Variants in ST3GAL3 observed in about 807,000 individuals in gnomAD.
ST3GAL3 encodes CMP-N-acetylneuraminate-beta-1,4-galactoside alpha-2,3-sialyltransferase.
ST3GAL3 carries 21 observed loss-of-function variants against 50.1 expected under a neutral mutation model. That is an observed-to-expected ratio of 0.42 (90% CI 0.30 to 0.60). The LOEUF is 0.60. Ranked by LOEUF, ST3GAL3 falls within the 20% of genes least tolerant of loss-of-function variation. ST3GAL3 has a pLI of 0.19. For missense variants in ST3GAL3, 353 were observed against 489.4 expected, an observed-to-expected ratio of 0.72 and a Z score of 2.63; for synonymous variants, 183 against 190.0, an observed-to-expected ratio of 0.96 and a Z score of 0.30.
At chr1:43,751,964 C>T (rs1003587340) in intron 2 of ST3GAL3, among the ~76,000 whole-genome samples, 1 of 151,890 alleles carries the variant, frequency 6.6e-6, no homozygotes, top group African/African-American at 2.4e-5. Flanking sequence ...GATTACAGGC[C>T]CTGCTACCAC....
intron 4 of ST3GAL3, among the ~76,000 whole-genome samples, chr1:43,821,781 T>C (rs2062129006): frequency 1.3e-5 from 2 of 152,062 alleles, no homozygotes; most frequent in Non-Finnish European, 2.9e-5. Context: ...CTGAAAGGGG[T>C]CTACTGTGGT....
chr1:43,712,700 A>C (rs1665386453), intron 1 of ST3GAL3, among the ~76,000 whole-genome samples: 1 of 152,168 alleles, frequency 6.6e-6, no homozygotes, highest in Non-Finnish European at 1.5e-5. Flanking sequence ...CATCTTGAAA[A>C]ATCAGTAGTT....
intron 9 of ST3GAL3, chr1:43,919,687 G>A (rs1037528202): frequency 1.3e-5 from 2 of 154,712 alleles, no homozygotes; most frequent in African/African-American, 4.8e-5. Context: ...CCTCTGTGTT[G>A]TGGAGAGGGA....
rs572727054 is a variant in ST3GAL3, at chr1:43,732,505, C to T, written c.-30-3728C>T. Reference sequence around the variant, plus strand: ...TGAGGTTGAAGGGTAGAAATAGCTTCCTGCCGTTTCTAGTCCCTGGCTGCT... The same window carrying T: ...TGAGGTTGAAGGGTAGAAATAGCTTTCTGCCGTTTCTAGTCCCTGGCTGCT... On this transcript the variant is annotated intron_variant, in intron 1 of 11. Transcript: ENST00000347631. Among the ~76,000 whole-genome samples the T allele has an allele frequency of 2.0e-5, 3 of 152,330 alleles. No individual in the cohort carries two copies. In the South Asian group the frequency reaches 6.2e-4, roughly 32 times the overall value.
At chr1:43,917,788 C>T (rs1332432172) in intron 9 of ST3GAL3, among the ~76,000 whole-genome samples, 1 of 145,240 alleles carries the variant, frequency 6.9e-6, no homozygotes, top group Non-Finnish European at 1.5e-5. Flanking sequence ...CCACCTCAGC[C>T]TCCCCAAGTA....
chr1:43,824,149 G>C (rs1391969370), intron 4 of ST3GAL3, among the ~76,000 whole-genome samples: 2 of 152,194 alleles, frequency 1.3e-5, no homozygotes, highest in African/African-American at 4.8e-5. Flanking sequence ...GTATGAGTAA[G>C]AAAGAATAGA....
chr1:43,796,025 A>C (rs1251041041), intron 3 of ST3GAL3, among the ~76,000 whole-genome samples: 1 of 152,166 alleles, frequency 6.6e-6, no homozygotes. Flanking sequence ...ACAGAGGGGA[A>C]TATCCCAAGA....
At chr1:43,813,887 A>ACGCG (rs1558416925) in intron 3 of ST3GAL3, among the ~76,000 whole-genome samples, 1 of 39,772 alleles carries the variant, frequency 2.5e-5, no homozygotes, top group African/African-American at 5.3e-5. Context: ...ACACACACAC[A>ACGCG]CACACACGCA....
intron 9 of ST3GAL3, among the ~76,000 whole-genome samples, chr1:43,908,823 G>A (rs190823872): frequency 6.6e-6 from 1 of 152,120 alleles, no homozygotes; most frequent in East Asian, 1.9e-4. Flanking sequence ...GTAGAGATGG[G>A]GTTTCGCCAT....
chr1:43,887,857 T>C (rs2154261975), intron 5 of ST3GAL3, among the ~76,000 whole-genome samples: 1 of 149,306 alleles, frequency 6.7e-6, no homozygotes, highest in African/African-American at 2.6e-5. Context: ...TTCTGGGAGT[T>C]CTAGGGTAAC....
At chr1:43,853,491 A>G (rs2067737853) in intron 5 of ST3GAL3, among the ~76,000 whole-genome samples, 2 of 152,224 alleles carry the variant, frequency 1.3e-5, no homozygotes, top group African/African-American at 2.4e-5. Flanking sequence ...TGATAAAACT[A>G]GGTTTTGAAC....
chr1:43,771,345 G>A (rs1345247966), intron 2 of ST3GAL3, among the ~76,000 whole-genome samples: 2 of 151,308 alleles, frequency 1.3e-5, no homozygotes, highest in Non-Finnish European at 2.9e-5. Context: ...AAATAAGCGA[G>A]ACTGTTGGGC....
intron 11 of ST3GAL3, among the ~76,000 whole-genome samples, chr1:43,927,370 C>G (rs2084186047): frequency 6.6e-6 from 1 of 152,164 alleles, no homozygotes. Context: ...TTCATTTTCT[C>G]TAAAAGATAA....
chr1:43,768,771 C>T (rs1694039804), intron 2 of ST3GAL3, among the ~76,000 whole-genome samples: 2 of 152,158 alleles, frequency 1.3e-5, no homozygotes, highest in Admixed American at 1.3e-4. Context: ...ATCTTTCTCC[C>T]CAGAGAACTT....
intron 1 of ST3GAL3, among the ~76,000 whole-genome samples, chr1:43,715,811 A>T (rs1036270756): frequency 6.6e-6 from 1 of 152,218 alleles, no homozygotes; most frequent in Non-Finnish European, 1.5e-5. Flanking sequence ...ACCCACAAGC[A>T]TGCATACTGT....
In ST3GAL3 at chr1:43,894,438, A is replaced by G. The variant is rs898856770; in HGVS notation, c.358A>G (p.Ile120Val). The G allele has an allele frequency of 6.2e-7, 1 of 1,614,160 alleles. No homozygotes were observed. The highest frequency in any genetic ancestry group is 1.1e-5 in the South Asian group (1 of 91,078). ...TGACTCCTTTCGCAAGTGGGCTAGAATCCGGGAGTTCGTGCCGCCTTTTGG... is the reference window on the plus strand; with the variant it reads ...TGACTCCTTTCGCAAGTGGGCTAGAGTCCGGGAGTTCGTGCCGCCTTTTGG... ...LDDSFRKWARIREFVPPFGIK... is the reference protein window; with the variant it reads ...LDDSFRKWARVREFVPPFGIK... Residue 120 changes from isoleucine (I) to valine (V), a missense_variant, in exon 6 of 12, where the codon ATC becomes GTC. Coordinates refer to ENST00000347631, the MANE Select transcript of ST3GAL3 (RefSeq NM_006279.5).
rs140568109 is a variant in ST3GAL3 at position 43,771,028 on chromosome 1, G to A, written c.119-21074G>A. Reference sequence around the variant, plus strand: ...ATCATTGATTGAGTTTAAGTGCTTTGCATGCCTTACCTTCCTTAATCAGAT... The same window carrying A: ...ATCATTGATTGAGTTTAAGTGCTTTACATGCCTTACCTTCCTTAATCAGAT... On this transcript the variant is annotated intron_variant, in intron 2 of 11. Coordinates refer to ENST00000347631, the MANE Select transcript of ST3GAL3 (RefSeq NM_006279.5). Among the ~76,000 whole-genome samples, 3 of 152,234 alleles carry A rather than the reference G, an allele frequency of 2.0e-5. No homozygotes were observed. In the East Asian group the frequency reaches 5.8e-4, roughly 29 times the overall value.
At chr1:43,818,046 C>A (rs959902510) in intron 4 of ST3GAL3, among the ~76,000 whole-genome samples, 1 of 151,938 alleles carries the variant, frequency 6.6e-6, no homozygotes, top group Admixed American at 6.6e-5. Flanking sequence ...CATTTAGATT[C>A]TTGGGTATAT....
intron 2 of ST3GAL3, among the ~76,000 whole-genome samples, chr1:43,770,927 A>G (rs1235695471): frequency 6.6e-6 from 1 of 152,242 alleles, no homozygotes; most frequent in African/African-American, 2.4e-5. Context: ...ACGTCCTCTC[A>G]TGGCCTACAA....
Sources: gnomAD v4.1 joint callset for allele counts (sites outside exome capture counted in the v4.1 genomes callset) on GRCh38, gnomAD v4.1.1 for gene constraint, MANE v1.5 for transcripts, NCBI Gene and HGNC (gene_info 2026-07-23, HGNC 2026-07-21) for gene names.